Variants in SBK2 observed in about 807,000 individuals in gnomAD.
The protein encoded by SBK2 is SH3 domain binding kinase family member 2.
A neutral mutation model predicts 15.9 loss-of-function variants in SBK2; 18 were observed. That is an observed-to-expected ratio of 1.13 (90% confidence interval 0.78 to 1.68). The LOEUF (loss-of-function observed/expected upper bound fraction) is 1.68, where lower values mean the gene tolerates loss of function less well. SBK2 is among the 40% of genes most tolerant of loss of function. The pLI, the probability that SBK2 is intolerant of heterozygous loss-of-function variation, is 0.00. For missense variants in SBK2, 581 were observed against 510.9 expected (o/e 1.14, Z -1.32); for synonymous variants, 284 against 246.8 (o/e 1.15, Z -1.41).
rs1160059168 is a variant in SBK2 at position 55,530,341 on chromosome 19, A to G, written c.457-18T>C. 4 of 1,400,862 alleles carry G rather than the reference A, an allele frequency of 2.9e-6. No homozygotes were observed. The highest frequency in any genetic ancestry group is 3.7e-6 in the Non-Finnish European group (4 of 1,081,854). 86.8% of individuals were successfully genotyped at this position (1,400,862 alleles called of 1,614,324 possible). On this transcript the variant is annotated intron_variant, in intron 3 of 3. Coordinates refer to ENST00000413299, the MANE Select transcript of SBK2 (RefSeq NM_001370096.2). ...AGGCCCACCTGCGGGGAGAGGGGTCAGGGCCCAGTGCCCCGGGGCCACGGA... is the reference window on the plus strand; with the variant it reads ...AGGCCCACCTGCGGGGAGAGGGGTCGGGGCCCAGTGCCCCGGGGCCACGGA...
rs775815613 is a variant in SBK2 at position 55,529,923 on chromosome 19, G to C, written c.857C>G (p.Pro286Arg). Residue 286 changes from proline to arginine, a missense_variant, in exon 4 of 4, where the codon CCC becomes CGC. Coordinates refer to ENST00000413299, the MANE Select transcript of SBK2 (RefSeq NM_001370096.2). ...GAACCAGGGCTGAGGGCGGTCCCGG[G>C]GCTGGCCCGACGCCTGCCAGATGAG... ...DFLIWQASGQPRDRPQPWFGL... is the reference protein window; with the variant it reads ...DFLIWQASGQRRDRPQPWFGL... 6.5e-7 allele frequency: 1 copy of C among 1,533,950 alleles called. No individual in the cohort carries two copies. The highest frequency in any genetic ancestry group is 1.2e-5 in the South Asian group (1 of 81,748).
At chr19:55,534,491 T>C (rs1711523563) in intron 2 of SBK2, among the ~76,000 whole-genome samples, 1 of 151,052 alleles carries the variant, frequency 6.6e-6, no homozygotes, top group South Asian at 2.1e-4. Context: ...GGAGGACCAC[T>C]TGAGGCCAGT....
Position 55,536,084 on chromosome 19 carries a change from C to T in SBK2, c.211G>A (p.Gly71Ser), listed in dbSNP as rs1045949234. Reference protein sequence around the residue: ...LYEEVRPLGQGCYGRVLLVTH... With the variant: ...LYEEVRPLGQSCYGRVLLVTH... ...ACCAGAAGGACGCGGCCATAGCAAC[C>T]CTGGCCCAGGGGACGCACTTCCTCG... is the stretch of plus-strand genomic sequence containing the variant. The change falls in exon 2 of 4, where the codon GGT becomes AGT. Residue 71 changes from glycine to serine, a missense_variant. Physicochemically the swap from Gly to Ser is moderately conservative, Grantham distance 56. Transcript: ENST00000413299. 14 of 1,517,044 alleles carry T rather than the reference C, an allele frequency of 9.2e-6. No individual in the cohort carries two copies. In the South Asian group the frequency reaches 1.3e-4, roughly 14 times the overall value. 94.0% of individuals were successfully genotyped at this position (1,517,044 alleles called of 1,614,324 possible). A position where few individuals can be genotyped will look rare whatever the true frequency, so the allele number is the denominator to read the frequency against.
rs1158663969 is a variant in SBK2, at chr19:55,529,797, G to C, written c.983C>G (p.Pro328Arg). Residue 328 changes from proline (P) to arginine (R), a missense_variant, in exon 4 of 4, where the codon CCC (proline) becomes CGC (arginine). Physicochemically the swap from Pro to Arg is moderately radical, Grantham distance 103. Coordinates refer to ENST00000413299, the MANE Select transcript of SBK2 (RefSeq NM_001370096.2). Reference protein sequence around the residue: ...VIAIREHLGRPWRQREGEAEA... With the variant: ...VIAIREHLGRRWRQREGEAEA... ...CGCCTCGCCCTCCCGCTGCCTCCAG[G>C]GGCGCCCCAGGTGCTCCCTGATGGC... 6.2e-7 allele frequency: 1 copy of C among 1,604,134 alleles called. No homozygotes were observed. The highest frequency in any genetic ancestry group is 8.5e-7 in the Non-Finnish European group (1 of 1,179,666).
intron 2 of SBK2, among the ~76,000 whole-genome samples, chr19:55,535,184 G>A (rs1988367479): frequency 1.4e-5 from 2 of 144,836 alleles, no homozygotes; most frequent in Non-Finnish European, 3.0e-5. Context: ...TCCACTGCCC[G>A]CCCAACCCCC....
intron 2 of SBK2, among the ~76,000 whole-genome samples, chr19:55,532,156 G>A (rs564810479): frequency 1.7e-4 from 26 of 152,184 alleles, no homozygotes; most frequent in African/African-American, 6.0e-4. Context: ...CGTGTTTGAG[G>A]CAAAAAGGTA....
chr19:55,530,324 C>T lies in SBK2; in HGVS notation c.457-1G>A, dbSNP rs1988221684. On this transcript the variant is annotated splice_acceptor_variant, in intron 3 of 3. Transcript: ENST00000413299. LOFTEE classifies it high-confidence loss of function. ...GCACCGCGGGCTGCGGGAGGCCCACCTGCGGGGAGAGGGGTCAGGGCCCAG... is the reference window on the plus strand; with the variant it reads ...GCACCGCGGGCTGCGGGAGGCCCACTTGCGGGGAGAGGGGTCAGGGCCCAG... 2 of 1,402,020 alleles carry T rather than the reference C, an allele frequency of 1.4e-6. No homozygotes were observed. Among genetic ancestry groups the T allele is most frequent in the South Asian group, 3.2e-5 (2 of 62,700 alleles). 86.8% of individuals were successfully genotyped at this position (1,402,020 alleles called of 1,614,324 possible).
intron 2 of SBK2, among the ~76,000 whole-genome samples, chr19:55,533,619 G>C (rs1467236918): frequency 0.68 from 31,272 of 46,022 alleles, 11,716 homozygotes; most frequent in Middle Eastern, 0.73. Flanking sequence ...CGCCACTGCA[G>C]TCCACAGTCC....
chr19:55,530,257 G>A lies in SBK2; in HGVS notation c.523C>T (p.His175Tyr). 1 of 1,508,280 alleles carries A rather than the reference G, an allele frequency of 6.6e-7. No homozygotes were observed. 93.4% of individuals were successfully genotyped at this position (1,508,280 alleles called of 1,614,324 possible). A position where few individuals can be genotyped will look rare whatever the true frequency, so the allele number is the denominator to read the frequency against. The change falls in exon 4 of 4, where the codon CAC (histidine) becomes TAC (tyrosine). Residue 175 changes from histidine to tyrosine, a missense_variant. By Grantham distance (83) the His-to-Tyr change is moderately conservative. Coordinates refer to ENST00000413299, the MANE Select transcript of SBK2 (RefSeq NM_001370096.2). ...TCCCGGTACACCAGGCCGCGGGCGT[G>A]GATGTACTCCAGGGCGGAGGCCAGC... Reference protein sequence around the residue: ...AQLASALEYIHARGLVYRDLK... With the variant: ...AQLASALEYIYARGLVYRDLK...
Position 55,532,743 on chromosome 19 carries a change from G to T in SBK2, c.254-1398C>A, listed in dbSNP as rs933450544. ...AGCTCCCTGAGTAGCTGGGACTACA[G>T]TTGTGCACCGCCACTGGGCTAATTG... On this transcript the variant is annotated intron_variant, in intron 2 of 3. Transcript: ENST00000413299. 4.6e-5 allele frequency among the ~76,000 whole-genome samples: 7 copies of T among 152,154 alleles called. 1 individual carries two copies. The East Asian group carries it at 1.2e-3, about 25-fold the overall frequency.
Position 55,530,270 on chromosome 19 carries a change from G to C in SBK2, c.510C>G (p.Ala170=), listed in dbSNP as rs1388184613. ...GGCCGCGGGCGTGGATGTACTCCAG[G>C]GCGGAGGCCAGCTGGGCGGCGCAGC... ...VHRCAAQLAS[A]LEYIHARGLV... The change falls in exon 4 of 4, where the codon GCC becomes GCG. Residue 170 remains alanine (A), a synonymous_variant. Coordinates refer to ENST00000413299, the MANE Select transcript of SBK2 (RefSeq NM_001370096.2). The C allele has an allele frequency of 3.4e-5, 50 of 1,483,082 alleles. No individual in the cohort carries two copies. The highest frequency in any genetic ancestry group is 4.1e-5 in the Non-Finnish European group (46 of 1,116,634). The allele number at this position is 1,483,082 out of a possible 1,614,324, so 91.9% of individuals were successfully genotyped here.
At chr19:55,531,416 C>G (rs1419739891) in intron 2 of SBK2, 71 bp from the exon 3 acceptor site, 1 of 1,206,588 alleles carries the variant, frequency 8.3e-7, no homozygotes, top group African/African-American at 1.5e-5. Context: ...GCTCTGTTCC[C>G]CTGTGGTCCC....
intron 1 of SBK2, among the ~76,000 whole-genome samples, 182 bp downstream of exon 1, chr19:55,536,872 T>C (rs1186642512): frequency 6.8e-6 from 1 of 146,762 alleles, no homozygotes; most frequent in Non-Finnish European, 1.5e-5. Context: ...TTCACACAAC[T>C]GGGGACCCCC....
intron 3 of SBK2, among the ~76,000 whole-genome samples, chr19:55,530,533 T>A (rs1599941234): frequency 1.1e-4 from 2 of 18,862 alleles, no homozygotes; most frequent in African/African-American, 1.9e-4. Flanking sequence ...CCTGTGGGTT[T>A]AGTGGGGCCT....
At chr19:55,534,130 G>A (rs1041530904) in intron 2 of SBK2, among the ~76,000 whole-genome samples, 2 of 152,128 alleles carry the variant, frequency 1.3e-5, no homozygotes, top group Non-Finnish European at 2.9e-5. Flanking sequence ...CCCAAAACTC[G>A]TATGTGGGAG....
chr19:55,528,867 C>CT lies in SBK2; in HGVS notation c.*865_*866insA. On this transcript the variant is annotated 3_prime_UTR_variant, in exon 4 of 4. Coordinates refer to ENST00000413299, the MANE Select transcript of SBK2 (RefSeq NM_001370096.2). The stretch of plus-strand genomic sequence containing the variant: ...GCAGACGGAAGGCGGCAAAGACCCC[C>CT]GACTCCAGGAGCTCACAAAATAACC... Among the ~76,000 whole-genome samples the CT allele has an allele frequency of 1.3e-5, 2 of 152,174 alleles. No individual in the cohort carries two copies. Among genetic ancestry groups the CT allele is most frequent in the Non-Finnish European group, 2.9e-5 (2 of 68,044 alleles).
intron 2 of SBK2, among the ~76,000 whole-genome samples, chr19:55,534,582 C>T (rs1257529688): frequency 6.6e-6 from 1 of 150,888 alleles, no homozygotes. Context: ...TGGCATGCGC[C>T]TGTAGTCTCA....
At chr19:55,533,707 T>G (rs1417045507) in intron 2 of SBK2, among the ~76,000 whole-genome samples, 1 of 129,956 alleles carries the variant, frequency 7.7e-6, no homozygotes, top group Non-Finnish European at 1.7e-5. Flanking sequence ...AAGAAAAAGT[T>G]CCTTCCTTAT....
rs781585206 is a variant in SBK2, at chr19:55,536,142, C to G, written c.153G>C (p.Gln51His). 1 of 1,596,328 alleles carries G rather than the reference C, an allele frequency of 6.3e-7. No homozygotes were observed. The highest frequency in any genetic ancestry group is 1.1e-5 in the South Asian group (1 of 88,332). The change falls in exon 2 of 4, where the codon CAG becomes CAC. Residue 51 changes from glutamine to histidine, a missense_variant. Gln to His is a conservative substitution (Grantham distance 24, BLOSUM62 0). Transcript: ENST00000413299. ...CGTCCACCTCGGCTCGGACCAGGGTCTGAGCACTCAGCGTCATCATGTCCT... is the reference window on the plus strand; with the variant it reads ...CGTCCACCTCGGCTCGGACCAGGGTGTGAGCACTCAGCGTCATCATGTCCT... Reference protein sequence around the residue: ...ALEDMMTLSAQTLVRAEVDEL... With the variant: ...ALEDMMTLSAHTLVRAEVDEL...
Sources: gnomAD v4.1 joint callset for allele counts (sites outside exome capture counted in the v4.1 genomes callset) on GRCh38, gnomAD v4.1.1 for gene constraint, MANE v1.5 for transcripts, NCBI Gene and HGNC (gene_info 2026-07-23, HGNC 2026-07-21) for gene names.